Variants in DIAPH3 observed in about 807,000 individuals in gnomAD.
DIAPH3 encodes the protein protein diaphanous homolog 3.
A neutral mutation model predicts 144.3 loss-of-function variants in DIAPH3; 117 were observed. The ratio of observed to expected loss-of-function variants is 0.81; its 90% confidence interval spans 0.70 to 0.95. The LOEUF is 0.95. Among genes scored for constraint, DIAPH3 ranks in the 40% least tolerant of loss-of-function variants. The pLI, the probability that DIAPH3 is intolerant of heterozygous loss-of-function variation, is 0.00. For missense variants in DIAPH3, 1,421 were observed against 1,412.7 expected (o/e 1.01, Z -0.09); for synonymous variants, 519 against 488.9 (o/e 1.06, Z -0.81).
At chr13:59,935,676 C>G (rs1262130322) in intron 17 of DIAPH3, among the ~76,000 whole-genome samples, 2 of 152,164 alleles carry the variant, frequency 1.3e-5, no homozygotes, top group Non-Finnish European at 2.9e-5. Flanking sequence ...TCATATCTGG[C>G]TTCCCAAACC....
chr13:59,885,548 C>A (rs899813212), intron 20 of DIAPH3, among the ~76,000 whole-genome samples: 49 of 150,398 alleles, frequency 3.3e-4, no homozygotes, highest in Non-Finnish European at 5.2e-4. Context: ...AAGAATATAC[C>A]AAAATTTGTG....
intron 24 of DIAPH3, among the ~76,000 whole-genome samples, chr13:59,827,458 G>A (rs921299035): frequency 2.6e-5 from 4 of 152,156 alleles, no homozygotes; most frequent in East Asian, 3.9e-4. Context: ...CTGCAACAAA[G>A]GGGTGTGAAG....
chr13:59,992,645 G>A (rs1018807811), intron 9 of DIAPH3, 62 bp from the exon 10 acceptor site: 7 of 1,305,896 alleles, frequency 5.4e-6, no homozygotes, highest in African/African-American at 1.5e-5. Context: ...AGTAACAAAC[G>A]TAAACTTCAA....
At chr13:59,974,182 T>C (rs946350596) in intron 15 of DIAPH3, among the ~76,000 whole-genome samples, 170 bp downstream of exon 15, 2 of 151,950 alleles carry the variant, frequency 1.3e-5, no homozygotes, top group East Asian at 1.9e-4. Flanking sequence ...TAGATATACA[T>C]ACATATAGAA....
At chr13:60,057,280 G>T (rs892612090) in intron 4 of DIAPH3, among the ~76,000 whole-genome samples, 2 of 151,714 alleles carry the variant, frequency 1.3e-5, no homozygotes, top group African/African-American at 2.4e-5. Flanking sequence ...ATCAAATCAA[G>T]AACTCAATCC....
chr13:59,745,250 G>A (rs1251733989), intron 27 of DIAPH3, among the ~76,000 whole-genome samples: 3 of 152,188 alleles, frequency 2.0e-5, no homozygotes, highest in Non-Finnish European at 2.9e-5. Context: ...CAACACAGCA[G>A]GGGCCAGTAC....
intron 9 of DIAPH3, among the ~76,000 whole-genome samples, chr13:59,994,236 T>C (rs2052041653): frequency 6.6e-6 from 1 of 151,956 alleles, no homozygotes; most frequent in South Asian, 2.1e-4. Context: ...TTACAATCTA[T>C]TTAATTTAAA....
intron 21 of DIAPH3, among the ~76,000 whole-genome samples, chr13:59,862,842 A>G (rs2043680734): frequency 1.3e-5 from 2 of 152,234 alleles, no homozygotes; most frequent in South Asian, 4.1e-4. Flanking sequence ...TCTGTGTTTT[A>G]CACCTAAAAA....
At chr13:59,819,238 T>TA (rs2040937649) in intron 24 of DIAPH3, among the ~76,000 whole-genome samples, 1 of 151,938 alleles carries the variant, frequency 6.6e-6, no homozygotes, top group Non-Finnish European at 1.5e-5. Context: ...GTAAACATTT[T>TA]ATTCATTGTA....
intron 20 of DIAPH3, among the ~76,000 whole-genome samples, chr13:59,888,162 G>A (rs2045567598): frequency 1.3e-5 from 2 of 152,086 alleles, no homozygotes; most frequent in Middle Eastern, 3.4e-3. Context: ...TATGACATGG[G>A]GCCTTTGGGG....
intron 20 of DIAPH3, among the ~76,000 whole-genome samples, chr13:59,889,744 T>C (rs1191103555): frequency 3.3e-5 from 5 of 152,156 alleles, no homozygotes; most frequent in Non-Finnish European, 7.4e-5. Context: ...CTATTTGTTC[T>C]TATTTGAGCA....
intron 27 of DIAPH3, among the ~76,000 whole-genome samples, chr13:59,692,292 T>C (rs2138693397): frequency 6.6e-6 from 1 of 152,054 alleles, no homozygotes; most frequent in Middle Eastern, 3.4e-3. Flanking sequence ...ATAAGAGGTA[T>C]GAATGGTAAA....
In DIAPH3 at chr13:59,879,248, T is replaced by C; in HGVS notation, c.2588A>G (p.Asn863Ser). The C allele has an allele frequency of 6.2e-7, 1 of 1,613,820 alleles. No homozygotes were observed. Among genetic ancestry groups the C allele is most frequent in the Non-Finnish European group, 8.5e-7 (1 of 1,179,788 alleles). ...ACTCACTTTACAGAGAGAGCTAAGG[T>C]TAAATCCGAAGGTTTGAGCATTCCG... ...GSRNAQTFGFNLSSLCKLKDT... is the reference protein window; with the variant it reads ...GSRNAQTFGFSLSSLCKLKDT... Residue 863 changes from asparagine (N) to serine (S), a missense_variant, in exon 21 of 28, where the codon AAC (asparagine) becomes AGC (serine). Asn to Ser is a conservative substitution (Grantham distance 46). Transcript: ENST00000400324.
At chr13:59,686,582 G>A (rs1305349095) in intron 27 of DIAPH3, among the ~76,000 whole-genome samples, 1 of 151,262 alleles carries the variant, frequency 6.6e-6, no homozygotes, top group Non-Finnish European at 1.5e-5. Context: ...TATAAAATGT[G>A]TTCACGGACA....
chr13:59,719,766 G>A (rs1358661309), intron 27 of DIAPH3, among the ~76,000 whole-genome samples: 1 of 152,092 alleles, frequency 6.6e-6, no homozygotes, highest in African/African-American at 2.4e-5. Context: ...AAATTGGACT[G>A]AGAGGCAGAC....
intron 27 of DIAPH3, among the ~76,000 whole-genome samples, chr13:59,698,076 T>C (rs1273033357): frequency 6.6e-6 from 1 of 152,186 alleles, no homozygotes; most frequent in Non-Finnish European, 1.5e-5. Flanking sequence ...TCCAATAAAA[T>C]GCATATGCCC....
chr13:59,669,772 TC>T (rs1341723266), intron 27 of DIAPH3, among the ~76,000 whole-genome samples: 1 of 152,156 alleles, frequency 6.6e-6, no homozygotes, highest in African/African-American at 2.4e-5. Flanking sequence ...CTATCTAAAT[TC>T]TTGGCTCCCT....
At chr13:60,118,295 T>G (rs564659809) in intron 2 of DIAPH3, among the ~76,000 whole-genome samples, 1 of 152,306 alleles carries the variant, frequency 6.6e-6, no homozygotes, top group East Asian at 1.9e-4. Context: ...ACTCAGTGTT[T>G]AAGGTTTTCA....
intron 27 of DIAPH3, among the ~76,000 whole-genome samples, chr13:59,707,571 T>C (rs1205284746): frequency 6.6e-6 from 1 of 152,204 alleles, no homozygotes; most frequent in Non-Finnish European, 1.5e-5. Flanking sequence ...CCAAAGTTTA[T>C]AACTTAGAAG....
Sources: allele counts gnomAD v4.1 joint callset (sites outside exome capture counted in the v4.1 genomes callset), GRCh38; gene constraint gnomAD v4.1.1; transcripts MANE v1.5; gene names NCBI Gene and HGNC (gene_info 2026-07-23, HGNC 2026-07-21).